LAMB4: variants seen among roughly 807,000 people sequenced by gnomAD.
The protein encoded by LAMB4 is laminin subunit beta-4.
In LAMB4, 196 loss-of-function variants were observed where a neutral mutation model predicts 199.2. The ratio of observed to expected loss-of-function variants is 0.98; its 90% CI spans 0.88 to 1.11. The LOEUF (loss-of-function observed/expected upper bound fraction) is 1.11, where lower values mean the gene tolerates loss of function less well. Among genes scored for constraint, LAMB4 ranks in the 50% least tolerant of loss-of-function variants. The pLI is 0.00. For missense variants in LAMB4, 2,080 were observed against 2,171.2 expected (o/e 0.96, Z 0.83); for synonymous variants, 744 against 770.6 (o/e 0.97, Z 0.57).
At position 108,070,297 on chromosome 7, in the gene LAMB4, T is replaced by C. The variant is rs190464110; in HGVS notation, c.2125-412A>G. ...CCTCTAGTCTTCTTTTTGCTTTATC[T>C]GTCCTGAAACCAGTTTCCATAGCCC... On this transcript the variant is annotated intron_variant, in intron 17 of 33. Coordinates refer to ENST00000388781, the MANE Select transcript of LAMB4 (RefSeq NM_007356.3). 2.4e-4 allele frequency among the ~76,000 whole-genome samples: 36 copies of C among 152,372 alleles called. No homozygotes were observed. In the East Asian group the frequency reaches 6.6e-3, roughly 28 times the overall value.
At position 108,106,448 on chromosome 7, in the gene LAMB4, G is replaced by A. The variant is rs1366886214; in HGVS notation, c.655+61C>T. 13 of 989,216 alleles carry A rather than the reference G, an allele frequency of 1.3e-5. No individual in the cohort carries two copies. The African/African-American group carries it at 1.8e-4, about 14-fold the overall frequency. 61.3% of individuals were successfully genotyped at this position (989,216 alleles called of 1,614,324 possible). A position where few individuals can be genotyped will look rare whatever the true frequency, so the allele number is the denominator to read the frequency against. On this transcript the variant is annotated intron_variant, in intron 7 of 33. Transcript: ENST00000388781. ...AAAAAAAAAAGAAAAGCAATTACAA[G>A]GAATATGCCAAACATGAAATTTTTT...
intron 2 of LAMB4, among the ~76,000 whole-genome samples, chr7:108,119,698 T>A (rs757854968): frequency 2.0e-5 from 3 of 152,066 alleles, no homozygotes; most frequent in Non-Finnish European, 4.4e-5. Flanking sequence ...TTGACTGTGG[T>A]GATGGGCACA....
Position 108,047,970 on chromosome 7 carries a change from C to CT in LAMB4, c.4263dup (p.Ala1422SerfsTer10), listed in dbSNP as rs2035689281. 5.0e-6 allele frequency: 8 copies of CT among 1,614,100 alleles called. No individual in the cohort carries two copies. The highest frequency in any genetic ancestry group is 6.8e-6 in the Non-Finnish European group (8 of 1,180,008). ...CGAATAATGGATTTTGCTTCCTGGGCTTTTTGGAGGGCATTCGTTGAGAGG... is the reference window on the plus strand; with the variant it reads ...CGAATAATGGATTTTGCTTCCTGGGCTTTTTTGGAGGGCATTCGTTGAGAGG... On this transcript the variant is annotated frameshift_variant, in exon 28 of 34. Transcript: ENST00000388781. LOFTEE classifies it high-confidence loss of function.
chr7:108,096,644 G>A (rs1268970454), intron 11 of LAMB4, among the ~76,000 whole-genome samples: 4 of 151,690 alleles, frequency 2.6e-5, no homozygotes, highest in Non-Finnish European at 5.9e-5. Context: ...CAATAAAGCT[G>A]TTATGGGCTG....
intron 14 of LAMB4, among the ~76,000 whole-genome samples, 187 bp downstream of exon 14, chr7:108,091,439 A>C (rs541338249): frequency 6.6e-6 from 1 of 152,366 alleles, no homozygotes; most frequent in South Asian, 2.1e-4. Flanking sequence ...AAGATGAACT[A>C]AACAGAGACT....
chr7:108,057,624 T>A (rs1193209034), intron 24 of LAMB4, among the ~76,000 whole-genome samples: 1 of 152,220 alleles, frequency 6.6e-6, no homozygotes, highest in African/African-American at 2.4e-5. Flanking sequence ...TAATATAGGC[T>A]AAATTTTTAA....
At chr7:108,037,313 A>T in intron 30 of LAMB4, 75 bp downstream of exon 30, 1 of 1,161,034 alleles carries the variant, frequency 8.6e-7, no homozygotes, top group Non-Finnish European at 1.3e-6. Context: ...ATAGATCCCT[A>T]GGCAAACATT....
intron 21 of LAMB4, 51 bp downstream of exon 21, chr7:108,065,711 T>C (rs750011624): frequency 7.5e-6 from 11 of 1,469,280 alleles, no homozygotes; most frequent in Non-Finnish European, 1.0e-5. Flanking sequence ...ATTTTACAGA[T>C]TACAGTGTGG....
rs1034635429 is a variant in LAMB4, at chr7:108,052,590, A to G, written c.3756-333T>C. Among the ~76,000 whole-genome samples the G allele has an allele frequency of 2.0e-5, 3 of 152,298 alleles. No homozygotes were observed. The East Asian group carries it at 5.8e-4, about 29-fold the overall frequency. ...AAAACATGCATTCAGACATGCTTCAATTAAATCAATCTAAGGGAGCTTTTG... is the reference window on the plus strand; with the variant it reads ...AAAACATGCATTCAGACATGCTTCAGTTAAATCAATCTAAGGGAGCTTTTG... On this transcript the variant is annotated intron_variant, in intron 25 of 33. Coordinates refer to ENST00000388781, the MANE Select transcript of LAMB4 (RefSeq NM_007356.3).
intron 32 of LAMB4, among the ~76,000 whole-genome samples, chr7:108,030,147 T>C (rs1288922683): frequency 1.3e-5 from 2 of 151,382 alleles, no homozygotes; most frequent in African/African-American, 4.9e-5. Flanking sequence ...CTTTTCTCAA[T>C]CTCTGTTCCA....
the LAMB4 span, among the ~76,000 whole-genome samples, chr7:108,017,051 TCA>T: frequency 6.6e-6 from 1 of 151,872 alleles, no homozygotes; most frequent in Non-Finnish European, 1.5e-5. Context: ...TAACTGTTAG[TCA>T]CAGAGTTTAT....
chr7:108,053,041 T>G (rs1347908866), intron 25 of LAMB4, among the ~76,000 whole-genome samples: 1 of 152,178 alleles, frequency 6.6e-6, no homozygotes, highest in African/African-American at 2.4e-5. Context: ...TATAGACTCT[T>G]CCTTCAGGCT....
intron 17 of LAMB4, chr7:108,075,652 T>G (rs2036672360): frequency 6.6e-6 from 1 of 152,232 alleles, no homozygotes; most frequent in Non-Finnish European, 1.5e-5. Flanking sequence ...CATACTGTAC[T>G]AATGATCTTA....
In LAMB4 at chr7:108,062,975, GGAAGCA is replaced by G; in HGVS notation, c.3075_3080del (p.Ala1026_Ser1027del). On this transcript the variant is annotated inframe_deletion, in exon 23 of 34. Coordinates refer to ENST00000388781, the MANE Select transcript of LAMB4 (RefSeq NM_007356.3). Reference sequence around the variant, plus strand: ...GGGGACACTCCATGGGACTCACGCCGGAAGCATGGCAGGAGCATCCTGTGATGACAA... The same window carrying G: ...GGGGACACTCCATGGGACTCACGCCGTGGCAGGAGCATCCTGTGATGACAA... The G allele has an allele frequency of 3.8e-6, 6 of 1,577,940 alleles. No homozygotes were observed. Among genetic ancestry groups the G allele is most frequent in the Non-Finnish European group, 5.1e-6 (6 of 1,165,174 alleles).
At chr7:108,124,674 A>AC (rs2038717214) in intron 1 of LAMB4, among the ~76,000 whole-genome samples, 1 of 151,866 alleles carries the variant, frequency 6.6e-6, no homozygotes, top group South Asian at 2.1e-4. Context: ...CAAAAAAAAA[A>AC]CAACCTCATT....
At chr7:108,128,676 C>T (rs2038878370) in intron 1 of LAMB4, among the ~76,000 whole-genome samples, 1 of 152,208 alleles carries the variant, frequency 6.6e-6, no homozygotes, top group East Asian at 1.9e-4. Context: ...ATTATAAAAC[C>T]CACAGCTGCA....
rs1365875981 is a variant in LAMB4 at position 108,030,902 on chromosome 7, G to A, written c.4896C>T (p.Ser1632=). 1 of 1,613,998 alleles carries A rather than the reference G, an allele frequency of 6.2e-7. No homozygotes were observed. The highest frequency in any genetic ancestry group is 1.3e-5 in the African/African-American group (1 of 74,984). Residue 1632 remains serine, a synonymous_variant, in exon 32 of 34, where the codon TCC becomes TCT. Coordinates refer to ENST00000388781, the MANE Select transcript of LAMB4 (RefSeq NM_007356.3). Reference sequence around the variant, plus strand: ...GCCTTTGCAACTTGGTCTGCAGCAGGGAAAGTCCATCCTCCAGCCCTGATC... The same window carrying A: ...GCCTTTGCAACTTGGTCTGCAGCAGAGAAAGTCCATCCTCCAGCCCTGATC... The part of the protein sequence containing the change: ...KQRSGLEDGL[S]LLQTKLQRHQ...
intron 9 of LAMB4, among the ~76,000 whole-genome samples, chr7:108,103,678 G>A (rs1186597987): frequency 3.9e-5 from 6 of 152,228 alleles, no homozygotes; most frequent in African/African-American, 1.4e-4. Flanking sequence ...CAGCAGCAGA[G>A]AGCTGCAAGG....
chr7:108,091,584 T>A, intron 14 of LAMB4, 42 bp downstream of exon 14: 2 of 1,586,480 alleles, frequency 1.3e-6, no homozygotes, highest in Non-Finnish European at 1.7e-6. Context: ...TACTGACATA[T>A]CATCAAACAC....
Sources: gnomAD v4.1 joint callset for allele counts (sites outside exome capture counted in the v4.1 genomes callset) on GRCh38, gnomAD v4.1.1 for gene constraint, MANE v1.5 for transcripts, NCBI Gene and HGNC (gene_info 2026-07-23, HGNC 2026-07-21) for gene names.